PLPPR1: variants seen among roughly 807,000 people sequenced by gnomAD.
PLPPR1 encodes phospholipid phosphatase-related protein type 1.
A neutral mutation model predicts 33.1 loss-of-function variants in PLPPR1; 10 were observed. That is an observed-to-expected ratio of 0.30 (90% CI 0.19 to 0.51). The LOEUF (loss-of-function observed/expected upper bound fraction) is 0.51, where lower values mean the gene tolerates loss of function less well. Ranked by LOEUF, PLPPR1 falls within the 20% of genes least tolerant of loss-of-function variation. The probability of loss-of-function intolerance (pLI) is 0.97; values close to 1 mark genes in which losing one functional copy is unlikely to be tolerated. For missense variants in PLPPR1, 304 were observed against 408.1 expected, an observed-to-expected ratio of 0.74 and a Z score of 2.20; for synonymous variants, 151 against 151.0, an observed-to-expected ratio of 1.00 and a Z score of 0.00.
chr9:101,249,312 A>G (rs1827674113), intron 2 of PLPPR1, among the ~76,000 whole-genome samples: 2 of 152,076 alleles, frequency 1.3e-5, no homozygotes, highest in Admixed American at 1.3e-4. Context: ...GAGCTTAGAA[A>G]TCATTCAAGC....
intron 2 of PLPPR1, among the ~76,000 whole-genome samples, chr9:101,234,620 C>T (rs1827262179): frequency 2.0e-5 from 3 of 151,716 alleles, no homozygotes; most frequent in Non-Finnish European, 4.4e-5. Context: ...ATATCTAAGG[C>T]ATTAGAGAGA....
At chr9:101,189,236 G>A (rs1826254541) in intron 2 of PLPPR1, among the ~76,000 whole-genome samples, 3 of 152,072 alleles carry the variant, frequency 2.0e-5, no homozygotes, top group Admixed American at 2.0e-4. Context: ...ACAATCTGAA[G>A]GGGAGAGCTT....
intron 1 of PLPPR1, among the ~76,000 whole-genome samples, chr9:101,108,499 C>T (rs1831007914): frequency 6.6e-6 from 1 of 152,062 alleles, no homozygotes; most frequent in South Asian, 2.1e-4. Context: ...ATTTATTGTC[C>T]ACTTTGAGAC....
chr9:101,142,413 G>A (rs1036155499), intron 1 of PLPPR1, among the ~76,000 whole-genome samples: 4 of 152,148 alleles, frequency 2.6e-5, no homozygotes, highest in Non-Finnish European at 4.4e-5. Context: ...CTTAAATGTG[G>A]CCTGACCCCA....
At chr9:101,115,596 A>G (rs1353989130) in intron 1 of PLPPR1, among the ~76,000 whole-genome samples, 1 of 152,244 alleles carries the variant, frequency 6.6e-6, no homozygotes, top group Non-Finnish European at 1.5e-5. Flanking sequence ...ATAAAAAACC[A>G]TATTGCATAA....
At position 101,185,536 on chromosome 9, in the gene PLPPR1, C is replaced by A. The variant is rs143808898; in HGVS notation, c.42C>A (p.Ile14=). The change falls in exon 2 of 8, where the codon ATC becomes ATA. Residue 14 remains isoleucine, a synonymous_variant. Coordinates refer to ENST00000374874, the MANE Select transcript of PLPPR1 (RefSeq NM_207299.2). ...ACACTCAACGAAGTTATTCCATCAT[C>A]CCGTGTTTTATATTTGTTGAGGTAT... ...GNNTQRSYSI[I]PCFIFVELVI... 11 of 1,608,720 alleles carry A rather than the reference C, an allele frequency of 6.8e-6. No homozygotes were observed. The highest frequency in any genetic ancestry group is 9.3e-6 in the Non-Finnish European group (11 of 1,176,622).
intron 6 of PLPPR1, among the ~76,000 whole-genome samples, chr9:101,315,850 A>C (rs564775654): frequency 9.8e-5 from 15 of 152,316 alleles, no homozygotes; most frequent in African/African-American, 3.4e-4. Flanking sequence ...CAGGATATCT[A>C]CTGTAAATGT....
intron 3 of PLPPR1, among the ~76,000 whole-genome samples, chr9:101,273,807 AAAAC>A (rs1255936380): frequency 1.3e-5 from 2 of 152,226 alleles, no homozygotes; most frequent in African/African-American, 4.8e-5. Context: ...ACATACCTCT[AAAAC>A]AAATTATATA....
chr9:101,038,207 T>G (rs1830033548), intron 1 of PLPPR1, among the ~76,000 whole-genome samples: 1 of 152,134 alleles, frequency 6.6e-6, no homozygotes, highest in African/African-American at 2.4e-5. Flanking sequence ...TAGAAGCAAT[T>G]TCTTTTCATT....
chr9:101,253,978 T>C (rs920607729), intron 2 of PLPPR1, among the ~76,000 whole-genome samples: 9 of 152,132 alleles, frequency 5.9e-5, no homozygotes, highest in African/African-American at 2.2e-4. Context: ...TTAATGGTTT[T>C]AAGCTTTGTT....
chr9:101,207,430 C>T (rs775269370), intron 2 of PLPPR1, among the ~76,000 whole-genome samples: 3 of 151,998 alleles, frequency 2.0e-5, no homozygotes, highest in South Asian at 4.2e-4. Flanking sequence ...TTTCAAAGCC[C>T]GAATGGGGAT....
chr9:101,259,536 C>T (rs1169466388), intron 2 of PLPPR1, among the ~76,000 whole-genome samples: 1 of 152,122 alleles, frequency 6.6e-6, no homozygotes, highest in African/African-American at 2.4e-5. Context: ...CTAGTGAGGG[C>T]CCTCTTGCTG....
rs577224559 is a variant in PLPPR1, at chr9:101,314,152, G to A, written c.813+1178G>A. ...TGAATCCCCTAACAATGTTCAGGAA[G>A]CCTCCCCAAGGAGAAAGAAGCCATC... On this transcript the variant is annotated intron_variant, in intron 6 of 7. Coordinates refer to ENST00000374874, the MANE Select transcript of PLPPR1 (RefSeq NM_207299.2). Among the ~76,000 whole-genome samples the A allele has an allele frequency of 5.3e-5, 8 of 152,290 alleles. No individual in the cohort carries two copies. In the South Asian group the frequency reaches 1.7e-3, roughly 32 times the overall value.
At chr9:101,161,535 T>C (rs953026519) in intron 1 of PLPPR1, among the ~76,000 whole-genome samples, 9 of 152,232 alleles carry the variant, frequency 5.9e-5, no homozygotes, top group Non-Finnish European at 1.2e-4. Flanking sequence ...GGACCTACTC[T>C]AGGCCTCAGT....
intron 1 of PLPPR1, among the ~76,000 whole-genome samples, chr9:101,127,071 T>C (rs906422434): frequency 6.6e-6 from 1 of 152,346 alleles, no homozygotes; most frequent in African/African-American, 2.4e-5. Flanking sequence ...ACTCCCCCTC[T>C]TTGTAATAAA....
rs186180618 is a variant in PLPPR1 at position 101,269,250 on chromosome 9, G to A, written c.64-630G>A. The stretch of plus-strand genomic sequence containing the variant: ...AGGCTATATTTCTATAATAAGATAC[G>A]ATCATCAGCAAAGTCCTTGACTTAC... On this transcript the variant is annotated intron_variant, in intron 2 of 7. Coordinates refer to ENST00000374874, the MANE Select transcript of PLPPR1 (RefSeq NM_207299.2). Among the ~76,000 whole-genome samples the A allele has an allele frequency of 3.9e-3, 587 of 151,828 alleles. 3 individuals carry two copies. The highest frequency in any genetic ancestry group is 6.2e-3 in the Admixed American group (94 of 15,244).
chr9:101,321,182 C>A (rs1430975706), intron 7 of PLPPR1, among the ~76,000 whole-genome samples: 1 of 152,198 alleles, frequency 6.6e-6, no homozygotes, highest in Non-Finnish European at 1.5e-5. Flanking sequence ...CTCTTCAGAG[C>A]ACACATTCGT....
intron 4 of PLPPR1, among the ~76,000 whole-genome samples, chr9:101,287,679 T>C (rs754024823): frequency 3.5e-4 from 53 of 152,090 alleles, no homozygotes; most frequent in Non-Finnish European, 6.9e-4. Context: ...TTTTGCATTT[T>C]TAGTAGAGAC....
At chr9:101,320,707 C>G (rs1478272228) in intron 7 of PLPPR1, among the ~76,000 whole-genome samples, 2 of 152,010 alleles carry the variant, frequency 1.3e-5, no homozygotes, top group East Asian at 3.9e-4. Context: ...AAAGATAAAC[C>G]CTTTATTTGT....
Sources: allele counts gnomAD v4.1 joint callset (sites outside exome capture counted in the v4.1 genomes callset), GRCh38; gene constraint gnomAD v4.1.1; transcripts MANE v1.5; gene names NCBI Gene and HGNC (gene_info 2026-07-23, HGNC 2026-07-21).